The following EFCAB6 variants were observed in gnomAD, a reference collection of about 807,000 sequenced individuals.
The protein encoded by EFCAB6 is EF-hand calcium binding domain 6.
EFCAB6 carries 156 observed loss-of-function variants against 169.8 expected under a neutral mutation model. That is an observed-to-expected ratio of 0.92 (90% CI 0.81 to 1.05). The LOEUF (loss-of-function observed/expected upper bound fraction) is 1.05. Among genes scored for constraint, EFCAB6 ranks in the 50% least tolerant of loss-of-function variants. The probability of loss-of-function intolerance (pLI) is 0.00; values close to 1 mark genes in which losing one functional copy is unlikely to be tolerated. For synonymous variants in EFCAB6, 698 were observed against 676.4 expected, an observed-to-expected ratio of 1.03 and a Z score of -0.50; for missense variants, 1,800 against 1,829.1, an observed-to-expected ratio of 0.98 and a Z score of 0.29.
intron 6 of EFCAB6, among the ~76,000 whole-genome samples, chr22:43,741,429 C>T (rs762957668): frequency 1.3e-5 from 2 of 152,218 alleles, no homozygotes; most frequent in African/African-American, 2.4e-5. Flanking sequence ...TTCAGGTCTC[C>T]ATCCCACGCT....
intron 23 of EFCAB6, among the ~76,000 whole-genome samples, chr22:43,598,330 A>C (rs887056309): frequency 2.8e-4 from 42 of 150,316 alleles, no homozygotes; most frequent in Non-Finnish European, 5.0e-4. Context: ...AAAAAAAAAA[A>C]AAAAAAAAGG....
chr22:43,788,371 T>A (rs2062155920), intron 2 of EFCAB6, among the ~76,000 whole-genome samples: 1 of 152,174 alleles, frequency 6.6e-6, no homozygotes, highest in African/African-American at 2.4e-5. Flanking sequence ...TTAGGAACTC[T>A]TACAGCTCAA....
intron 22 of EFCAB6, among the ~76,000 whole-genome samples, chr22:43,606,131 A>C (rs1383776730): frequency 6.6e-6 from 1 of 152,208 alleles, no homozygotes; most frequent in African/African-American, 2.4e-5. Context: ...TGGCCTCCAA[A>C]TGTATTCTCT....
chr22:43,770,544 A>C (rs2061437915), intron 4 of EFCAB6, among the ~76,000 whole-genome samples: 1 of 152,222 alleles, frequency 6.6e-6, no homozygotes, highest in African/African-American at 2.4e-5. Context: ...GCAGGTAAAG[A>C]GATCATAAAG....
intron 20 of EFCAB6, among the ~76,000 whole-genome samples, chr22:43,623,226 A>T (rs1429543420): frequency 6.6e-6 from 1 of 152,338 alleles, no homozygotes; most frequent in Non-Finnish European, 1.5e-5. Context: ...TTGGTGATGG[A>T]CTATCTAATT....
At chr22:43,564,655 G>A (rs1293884799) in intron 26 of EFCAB6, among the ~76,000 whole-genome samples, 1 of 152,066 alleles carries the variant, frequency 6.6e-6, no homozygotes, top group Admixed American at 6.5e-5. Context: ...GAGAGGGGAG[G>A]GCAGGCTCCC....
chr22:43,554,596 A>C, intron 27 of EFCAB6: 1 of 453,698 alleles, frequency 2.2e-6, no homozygotes, highest in South Asian at 2.5e-5. Flanking sequence ...TGCTCCAGGG[A>C]AGGGAGAAGG....
At chr22:43,554,478 T>G (rs1277151365) in intron 27 of EFCAB6, 5 of 181,336 alleles carry the variant, frequency 2.8e-5, no homozygotes, top group Non-Finnish European at 4.6e-5. Context: ...CTAATACATC[T>G]GCCTTTTTTA....
intron 27 of EFCAB6, among the ~76,000 whole-genome samples, chr22:43,550,975 A>T (rs1011033327): frequency 6.6e-6 from 1 of 152,126 alleles, no homozygotes; most frequent in Non-Finnish European, 1.5e-5. Context: ...CACTTCCCTC[A>T]CTTACAGAGC....
At chr22:43,754,573 G>T (rs553513256) in intron 6 of EFCAB6, among the ~76,000 whole-genome samples, 72 of 152,314 alleles carry the variant, frequency 4.7e-4, no homozygotes, top group Middle Eastern at 3.4e-3. Flanking sequence ...CTTAGCAGGG[G>T]GTTCCATGGG....
intron 19 of EFCAB6, among the ~76,000 whole-genome samples, chr22:43,630,119 C>G (rs2054825511): frequency 6.6e-6 from 1 of 152,114 alleles, no homozygotes; most frequent in African/African-American, 2.4e-5. Flanking sequence ...GGCAACGTAG[C>G]AAGACTTCGT....
intron 18 of EFCAB6, 41 bp from the exon 19 acceptor site, chr22:43,632,279 T>G (rs761760424): frequency 1.4e-6 from 2 of 1,402,466 alleles, no homozygotes; most frequent in South Asian, 2.5e-5. Context: ...TTAGTGCCCA[T>G]CAGCTTCATT....
chr22:43,577,815 C>A (rs1050324271), intron 25 of EFCAB6, among the ~76,000 whole-genome samples: 2 of 151,150 alleles, frequency 1.3e-5, no homozygotes, highest in Admixed American at 6.6e-5. Flanking sequence ...TTTAATCCCT[C>A]ACACCGCACC....
At chr22:43,721,142 T>C (rs1267283173) in intron 8 of EFCAB6, among the ~76,000 whole-genome samples, 3 of 151,376 alleles carry the variant, frequency 2.0e-5, no homozygotes, top group African/African-American at 7.3e-5. Flanking sequence ...ACAAAGAAAA[T>C]AAAATACCTG....
chr22:43,800,044 G>C (rs531812299), intron 2 of EFCAB6, among the ~76,000 whole-genome samples: 1 of 152,154 alleles, frequency 6.6e-6, no homozygotes, highest in East Asian at 1.9e-4. Context: ...AGGTAAAGAG[G>C]GGGAGGTGGG....
intron 13 of EFCAB6, among the ~76,000 whole-genome samples, chr22:43,677,321 A>C (rs751187620): frequency 2.0e-4 from 30 of 152,196 alleles, no homozygotes; most frequent in Non-Finnish European, 4.0e-4. Flanking sequence ...ATGAATGAGA[A>C]CCAGAGTAGT....
At chr22:43,607,127 G>A (rs536996476) in intron 22 of EFCAB6, among the ~76,000 whole-genome samples, 1 of 152,322 alleles carries the variant, frequency 6.6e-6, no homozygotes, top group South Asian at 2.1e-4. Flanking sequence ...CAGAAAGCTA[G>A]GACCTGGTAA....
At chr22:43,664,830 C>T (rs1232453508) in intron 17 of EFCAB6, among the ~76,000 whole-genome samples, 1 of 152,114 alleles carries the variant, frequency 6.6e-6, no homozygotes, top group African/African-American at 2.4e-5. Flanking sequence ...GTTTGAGGAG[C>T]CCTCGGTGGG....
chr22:43,728,278 A>G (rs1410564375), intron 8 of EFCAB6, among the ~76,000 whole-genome samples: 2 of 152,312 alleles, frequency 1.3e-5, no homozygotes, highest in East Asian at 1.9e-4. Context: ...CTCCTGGTGT[A>G]TATCTGCCAC....
Sources: gnomAD v4.1 joint callset for allele counts (sites outside exome capture counted in the v4.1 genomes callset) on GRCh38, gnomAD v4.1.1 for gene constraint, MANE v1.5 for transcripts, NCBI Gene and HGNC (gene_info 2026-07-23, HGNC 2026-07-21) for gene names.